The following SYNPO2 variants were observed in gnomAD, a reference collection of about 807,000 sequenced individuals.
SYNPO2 encodes synaptopodin-2.
A neutral mutation model predicts 85.0 loss-of-function variants in SYNPO2; 56 were observed. The ratio of observed to expected loss-of-function variants is 0.66; its 90% CI spans 0.53 to 0.82. The LOEUF (loss-of-function observed/expected upper bound fraction) is 0.82, where lower values mean the gene tolerates loss of function less well. Ranked by LOEUF, SYNPO2 falls within the 40% of genes least tolerant of loss-of-function variation. The pLI, the probability that SYNPO2 is intolerant of heterozygous loss-of-function variation, is 0.00. For missense variants in SYNPO2, 1,575 were observed against 1,534.2 expected (o/e 1.03, Z -0.44); for synonymous variants, 602 against 591.1 (o/e 1.02, Z -0.27).
chr4:118,924,891 C>T (rs1733661767), intron 1 of SYNPO2, among the ~76,000 whole-genome samples: 1 of 152,260 alleles, frequency 6.6e-6, no homozygotes, highest in African/African-American at 2.4e-5. Flanking sequence ...AAATAGTGTG[C>T]ATTTGAGTTG....
At chr4:118,878,884 G>C (rs1402625130) in intron 1 of SYNPO2, among the ~76,000 whole-genome samples, 1 of 152,178 alleles carries the variant, frequency 6.6e-6, no homozygotes, top group African/African-American at 2.4e-5. Flanking sequence ...CTGTCTTGTG[G>C]ATGTTTTGTT....
chr4:118,928,202 A>C (rs1219650310), intron 1 of SYNPO2, among the ~76,000 whole-genome samples: 1 of 152,206 alleles, frequency 6.6e-6, no homozygotes, highest in Non-Finnish European at 1.5e-5. Flanking sequence ...GTTGCCCTTT[A>C]AGAAGTGTTG....
intron 1 of SYNPO2, among the ~76,000 whole-genome samples, chr4:118,961,520 C>T (rs1735094213): frequency 2.0e-5 from 3 of 152,160 alleles, no homozygotes; most frequent in Non-Finnish European, 4.4e-5. Flanking sequence ...AATAGTATCC[C>T]CTAAGAGAGG....
At chr4:119,017,324 A>G (rs1157879223) in intron 1 of SYNPO2, among the ~76,000 whole-genome samples, 2 of 152,190 alleles carry the variant, frequency 1.3e-5, no homozygotes, top group African/African-American at 4.8e-5. Context: ...CTTAGCTACT[A>G]TCATCTTGCT....
At position 118,984,275 on chromosome 4, in the gene SYNPO2, T is replaced by C. The variant is rs75585432; in HGVS notation, c.106-39155T>C. On this transcript the variant is annotated intron_variant, in intron 1 of 4. Transcript: ENST00000307142. ...TGTAAGAGAGAGAAAATTTACATTA[T>C]GTACCATCTTGTTCCTTTAAAATGC... Among the ~76,000 whole-genome samples, 1,402 of 152,358 alleles carry C rather than the reference T, an allele frequency of 9.2e-3. 9 individuals are homozygous for C. The highest frequency in any genetic ancestry group is 0.018 in the Admixed American group (278 of 15,302).
intron 4 of SYNPO2, among the ~76,000 whole-genome samples, chr4:119,054,069 G>A (rs1739134166): frequency 6.6e-6 from 1 of 152,172 alleles, no homozygotes; most frequent in African/African-American, 2.4e-5. Context: ...TGCAACAGGG[G>A]TGCCCTGTTT....
intron 2 of SYNPO2, among the ~76,000 whole-genome samples, chr4:119,025,228 G>A (rs1035385653): frequency 6.5e-4 from 99 of 152,222 alleles, no homozygotes; most frequent in African/African-American, 2.2e-3. Context: ...GATTGCTAAC[G>A]TTATTCAAAG....
chr4:119,054,953 A>T (rs569790299), intron 4 of SYNPO2, among the ~76,000 whole-genome samples: 19 of 152,146 alleles, frequency 1.2e-4, no homozygotes, highest in Non-Finnish European at 2.1e-4. Flanking sequence ...TCTGTAGACC[A>T]CTGTTGTTCT....
intron 1 of SYNPO2, among the ~76,000 whole-genome samples, chr4:118,932,346 C>T (rs750862592): frequency 6.6e-5 from 10 of 152,128 alleles, no homozygotes; most frequent in South Asian, 4.2e-4. Flanking sequence ...ATAAGTCCTC[C>T]GAAAAGCTTC....
At chr4:118,896,884 T>C (rs1178536795) in intron 1 of SYNPO2, among the ~76,000 whole-genome samples, 3 of 152,210 alleles carry the variant, frequency 2.0e-5, no homozygotes, top group Non-Finnish European at 2.9e-5. Context: ...CATTGATCTT[T>C]GGATTTTTAT....
intron 1 of SYNPO2, among the ~76,000 whole-genome samples, chr4:118,922,999 A>G (rs1441437375): frequency 1.3e-5 from 2 of 152,200 alleles, no homozygotes; most frequent in Admixed American, 1.3e-4. Context: ...TCTTTAAAAT[A>G]AGATAATGAA....
chr4:119,030,266 G>C lies in SYNPO2; in HGVS notation c.1491G>C (p.Lys497Asn), dbSNP rs1341826720. ...TTGKGALMFA[K>N]RRERMDQITA... ...GCAAGGGAGCCCTCATGTTTGCCAAGAGGAGGGAGAGAATGGATCAGATCA... is the reference window on the plus strand; with the variant it reads ...GCAAGGGAGCCCTCATGTTTGCCAACAGGAGGGAGAGAATGGATCAGATCA... The change falls in exon 4 of 5, where the codon AAG (lysine) becomes AAC (asparagine). Residue 497 changes from lysine (K) to asparagine (N), a missense_variant. Around this residue, in one of 3 missense-constraint regions of SYNPO2, gnomAD observed 1,508 missense variants for 1,446.8 expected, o/e 1.04. Coordinates refer to ENST00000307142, the MANE Select transcript of SYNPO2 (RefSeq NM_133477.3). 3 of 1,613,946 alleles carry C rather than the reference G, an allele frequency of 1.9e-6. No individual in the cohort carries two copies. Among genetic ancestry groups the C allele is most frequent in the Non-Finnish European group, 2.5e-6 (3 of 1,180,014 alleles).
chr4:118,856,998 C>T (rs965970505), intron 1 of SYNPO2, among the ~76,000 whole-genome samples: 2 of 151,936 alleles, frequency 1.3e-5, no homozygotes, highest in South Asian at 2.1e-4. Flanking sequence ...TAAATGTATT[C>T]TTTATAAGTA....
At chr4:118,859,306 T>C (rs1208561357) in intron 1 of SYNPO2, among the ~76,000 whole-genome samples, 1 of 152,214 alleles carries the variant, frequency 6.6e-6, no homozygotes, top group African/African-American at 2.4e-5. Flanking sequence ...AATAGGTGTA[T>C]ATATTTATGG....
At chr4:119,001,355 G>A (rs78497141) in intron 1 of SYNPO2, among the ~76,000 whole-genome samples, 3,414 of 152,262 alleles carry the variant, frequency 0.022, 132 homozygotes, top group African/African-American at 0.077. Flanking sequence ...CTGACTTCTA[G>A]ACTAAGGACA....
intron 1 of SYNPO2, among the ~76,000 whole-genome samples, chr4:118,919,698 T>C (rs912556215): frequency 7.9e-5 from 12 of 152,140 alleles, no homozygotes; most frequent in Admixed American, 3.9e-4. Context: ...GTGGAATATA[T>C]AGCTCGAAAT....
chr4:118,939,826 A>G (rs1734239507), intron 1 of SYNPO2, among the ~76,000 whole-genome samples: 1 of 152,186 alleles, frequency 6.6e-6, no homozygotes, highest in Non-Finnish European at 1.5e-5. Context: ...GTTACCCGTC[A>G]TGGTTTAAGC....
At chr4:119,015,183 T>G (rs1737481197) in intron 1 of SYNPO2, among the ~76,000 whole-genome samples, 1 of 152,222 alleles carries the variant, frequency 6.6e-6, no homozygotes, top group Non-Finnish European at 1.5e-5. Context: ...TGGAAAATGA[T>G]TCCCTAATAG....
intron 4 of SYNPO2, among the ~76,000 whole-genome samples, chr4:119,056,211 T>C (rs988304490): frequency 2.6e-5 from 4 of 152,092 alleles, no homozygotes; most frequent in Non-Finnish European, 2.9e-5. Context: ...TTCCTAGAAA[T>C]GCAGAGGAGT....
Sources: allele counts gnomAD v4.1 joint callset (sites outside exome capture counted in the v4.1 genomes callset), GRCh38; gene constraint gnomAD v4.1.1; regional missense constraint gnomAD v4.1.1; transcripts MANE v1.5; gene names NCBI Gene and HGNC (gene_info 2026-07-23, HGNC 2026-07-21).